Variants in RSPO2 observed in about 807,000 individuals in gnomAD.
The protein encoded by RSPO2 is R-spondin 2, also known as R-spondin-2.
A neutral mutation model predicts 30.9 loss-of-function variants in RSPO2; 14 were observed. That is an observed-to-expected ratio of 0.45 (90% confidence interval 0.30 to 0.71). The LOEUF is 0.71. RSPO2 is among the 30% of genes least tolerant of loss of function. The pLI is 0.08. For synonymous variants in RSPO2, 107 were observed against 96.4 expected, an observed-to-expected ratio of 1.11 and a Z score of -0.64; for missense variants, 264 against 301.9, an observed-to-expected ratio of 0.87 and a Z score of 0.93.
chr8:107,974,169 C>A (rs1814124278), intron 3 of RSPO2, among the ~76,000 whole-genome samples: 1 of 151,926 alleles, frequency 6.6e-6, no homozygotes, highest in Admixed American at 6.6e-5. Flanking sequence ...CTGCACATAC[C>A]AAGGAGCAAG....
At chr8:107,983,648 T>C (rs530864740) in intron 3 of RSPO2, 899 of 1,594,452 alleles carry the variant, frequency 5.6e-4, no homozygotes, top group Non-Finnish European at 7.0e-4. Context: ...ATTGCAGATT[T>C]GAAGAGGCAT....
chr8:108,010,939 A>C (rs1014507872), intron 2 of RSPO2, among the ~76,000 whole-genome samples: 3 of 152,090 alleles, frequency 2.0e-5, no homozygotes, highest in Non-Finnish European at 4.4e-5. Context: ...TGCCAGCCTG[A>C]GCAATATAGT....
intron 2 of RSPO2, among the ~76,000 whole-genome samples, chr8:108,058,901 G>C (rs950664501): frequency 6.6e-6 from 1 of 151,582 alleles, no homozygotes; most frequent in African/African-American, 2.4e-5. Flanking sequence ...AACCCTAGAA[G>C]AAAACCTAGG....
intron 2 of RSPO2, among the ~76,000 whole-genome samples, chr8:108,076,928 T>C (rs1813031588): frequency 6.6e-6 from 1 of 151,620 alleles, no homozygotes; most frequent in Non-Finnish European, 1.5e-5. Flanking sequence ...GGACAGAAAA[T>C]AGGAGGTAAA....
intron 5 of RSPO2, among the ~76,000 whole-genome samples, chr8:107,937,339 A>G (rs1812752375): frequency 6.6e-6 from 1 of 151,954 alleles, no homozygotes; most frequent in Non-Finnish European, 1.5e-5. Context: ...ATTTTGTTCC[A>G]TTGGTCTATG....
At chr8:108,050,510 A>G (rs1453727913) in intron 2 of RSPO2, among the ~76,000 whole-genome samples, 3 of 152,162 alleles carry the variant, frequency 2.0e-5, no homozygotes, top group Admixed American at 6.5e-5. Flanking sequence ...CTAGACCATA[A>G]GTATGTAGAT....
At chr8:107,969,151 G>A (rs1813913469) in intron 3 of RSPO2, among the ~76,000 whole-genome samples, 1 of 152,048 alleles carries the variant, frequency 6.6e-6, no homozygotes, top group African/African-American at 2.4e-5. Context: ...ATAAAAAGGG[G>A]GAAATACCTG....
At chr8:107,987,534 T>C (rs754070053) in intron 3 of RSPO2, among the ~76,000 whole-genome samples, 4 of 152,206 alleles carry the variant, frequency 2.6e-5, no homozygotes, top group African/African-American at 9.6e-5. Flanking sequence ...TTAAAAATGT[T>C]TGGGGACATG....
intron 2 of RSPO2, among the ~76,000 whole-genome samples, chr8:108,044,153 G>GAA (rs11382572): frequency 0.023 from 3,263 of 142,316 alleles, 116 homozygotes; most frequent in African/African-American, 0.078. Flanking sequence ...TCTGTTGTCT[G>GAA]AAAAAAAAAA....
chr8:108,020,575 CTTAT>C (rs1018883577), intron 2 of RSPO2, among the ~76,000 whole-genome samples: 6 of 152,114 alleles, frequency 3.9e-5, no homozygotes, highest in Non-Finnish European at 8.8e-5. Flanking sequence ...CTGCAATGTT[CTTAT>C]TTTTTTAGTT....
intron 2 of RSPO2, among the ~76,000 whole-genome samples, chr8:108,058,370 C>T (rs1437290643): frequency 6.6e-6 from 1 of 152,122 alleles, no homozygotes; most frequent in Non-Finnish European, 1.5e-5. Flanking sequence ...AATGGAAGAA[C>T]ATTCCATACT....
intron 2 of RSPO2, among the ~76,000 whole-genome samples, chr8:108,006,700 A>G (rs761093925): frequency 1.3e-5 from 2 of 152,182 alleles, no homozygotes; most frequent in Admixed American, 6.5e-5. Flanking sequence ...CCAAATTCTG[A>G]AAAAGATTGT....
At chr8:107,987,274 T>TC (rs1238050317) in intron 3 of RSPO2, among the ~76,000 whole-genome samples, 1 of 152,184 alleles carries the variant, frequency 6.6e-6, no homozygotes, top group African/African-American at 2.4e-5. Flanking sequence ...ATAATAGCCT[T>TC]CCTTTACTTT....
At chr8:108,064,762 T>A (rs566333318) in intron 2 of RSPO2, among the ~76,000 whole-genome samples, 1 of 152,298 alleles carries the variant, frequency 6.6e-6, no homozygotes, top group East Asian at 1.9e-4. Flanking sequence ...AGCAAATACT[T>A]GGAACCAACC....
intron 5 of RSPO2, among the ~76,000 whole-genome samples, chr8:107,933,012 G>A (rs1330916352): frequency 5.3e-5 from 8 of 152,206 alleles, no homozygotes; most frequent in African/African-American, 1.9e-4. Context: ...TTATGTGGGT[G>A]GCTGAAAGGA....
At chr8:107,957,919 A>C (rs776732655) in intron 5 of RSPO2, among the ~76,000 whole-genome samples, 161 bp downstream of exon 5, 7 of 152,240 alleles carry the variant, frequency 4.6e-5, no homozygotes, top group Non-Finnish European at 7.3e-5. Flanking sequence ...TTCACAACTG[A>C]AGCATTTGTT....
chr8:108,075,140 A>G (rs1812971516), intron 2 of RSPO2, among the ~76,000 whole-genome samples: 1 of 152,306 alleles, frequency 6.6e-6, no homozygotes, highest in Admixed American at 6.5e-5. Context: ...GTGTTTGGGG[A>G]TAAAAATCCT....
chr8:108,034,700 TTG>T (rs1811537126), intron 2 of RSPO2, among the ~76,000 whole-genome samples: 1 of 152,198 alleles, frequency 6.6e-6, no homozygotes, highest in Admixed American at 6.5e-5. Flanking sequence ...AGCCAAGAAG[TTG>T]TGAGTCCACA....
chr8:107,984,138 C>A (rs188604836), intron 3 of RSPO2, among the ~76,000 whole-genome samples: 1 of 152,220 alleles, frequency 6.6e-6, no homozygotes, highest in South Asian at 2.1e-4. Flanking sequence ...CTGTGAAATG[C>A]GCAGCATATC....
Sources: gnomAD v4.1 joint callset for allele counts (sites outside exome capture counted in the v4.1 genomes callset) on GRCh38, gnomAD v4.1.1 for gene constraint, MANE v1.5 for transcripts, NCBI Gene and HGNC (gene_info 2026-07-23, HGNC 2026-07-21) for gene names.